ABCC4: variants seen among roughly 807,000 people sequenced by gnomAD.
The protein encoded by ABCC4 is ATP-binding cassette sub-family C member 4.
In ABCC4, 102 loss-of-function variants were observed where a neutral mutation model predicts 168.5. The observed-to-expected ratio is 0.61, with a 90% CI of 0.52 to 0.71. The LOEUF (loss-of-function observed/expected upper bound fraction) is 0.71. Ranked by LOEUF, ABCC4 falls within the 30% of genes least tolerant of loss-of-function variation. ABCC4 has a pLI of 0.00. For missense variants in ABCC4, 1,402 were observed against 1,605.8 expected, an observed-to-expected ratio of 0.87 and a Z score of 2.17; for synonymous variants, 617 against 590.7, an observed-to-expected ratio of 1.04 and a Z score of -0.65.
chr13:95,125,028 T>C (rs938990656), intron 19 of ABCC4, among the ~76,000 whole-genome samples: 4 of 152,052 alleles, frequency 2.6e-5, no homozygotes, highest in Admixed American at 2.0e-4. Context: ...AGCACTAAAT[T>C]AGTGCCAGAA....
At chr13:95,041,701 AC>A (rs1353347566) in intron 29 of ABCC4, among the ~76,000 whole-genome samples, 4 of 152,346 alleles carry the variant, frequency 2.6e-5, no homozygotes, top group South Asian at 4.1e-4. Flanking sequence ...AACAAAAAAA[AC>A]AAAACACCTC....
At chr13:95,075,771 A>G in intron 21 of ABCC4, 1 of 464,582 alleles carries the variant, frequency 2.2e-6, no homozygotes, top group Admixed American at 3.8e-5. Context: ...GGGGCCTGGA[A>G]ATAAACGTCC....
At chr13:95,255,597 G>A (rs559068400) in intron 1 of ABCC4, among the ~76,000 whole-genome samples, 1 of 152,294 alleles carries the variant, frequency 6.6e-6, no homozygotes, top group East Asian at 1.9e-4. Context: ...CTGTAAAGCT[G>A]TGATCTTCTG....
intron 19 of ABCC4, among the ~76,000 whole-genome samples, chr13:95,145,252 A>G (rs192114526): frequency 4.6e-5 from 7 of 152,316 alleles, no homozygotes; most frequent in African/African-American, 1.7e-4. Context: ...AGAACTTAAA[A>G]GAAAACTACC....
chr13:95,180,723 C>G (rs2037862795), intron 11 of ABCC4, among the ~76,000 whole-genome samples: 1 of 152,202 alleles, frequency 6.6e-6, no homozygotes, highest in African/African-American at 2.4e-5. Context: ...TGTTAAGTTT[C>G]TGTGCCTTGA....
chr13:95,271,259 G>A (rs61972758), intron 1 of ABCC4, among the ~76,000 whole-genome samples: 6,989 of 152,220 alleles, frequency 0.046, 237 homozygotes, highest in Non-Finnish European at 0.067. Flanking sequence ...GACAGCTGCC[G>A]ACGGATTACA....
At chr13:95,290,144 A>G (rs147524788) in intron 1 of ABCC4, among the ~76,000 whole-genome samples, 2,277 of 151,348 alleles carry the variant, frequency 0.015, 56 homozygotes, top group African/African-American at 0.05. Context: ...AGATAGATAG[A>G]TAGATGATAG....
chr13:95,196,660 GGAA>G (rs1566515804), intron 8 of ABCC4, among the ~76,000 whole-genome samples: 1 of 31,636 alleles, frequency 3.2e-5, no homozygotes, highest in African/African-American at 1.5e-4. Context: ...AAGGAAGGAA[GGAA>G]GGAAGGAAGG....
At position 95,177,991 on chromosome 13, in the gene ABCC4, A is replaced by G; in HGVS notation, c.1640+6T>C. On this transcript the variant is annotated splice_donor_region_variant and intron_variant, in intron 12 of 30. Transcript: ENST00000645237. ...CCGGCATAGTGGCTGCTGAAATGCAACTTACCTTGCAAGGTTTACCCGTGC... is the reference window on the plus strand; with the variant it reads ...CCGGCATAGTGGCTGCTGAAATGCAGCTTACCTTGCAAGGTTTACCCGTGC... The G allele has an allele frequency of 6.2e-7, 1 of 1,614,050 alleles. No individual in the cohort carries two copies. Among genetic ancestry groups the G allele is most frequent in the Non-Finnish European group, 8.5e-7 (1 of 1,179,902 alleles).
chr13:95,205,899 G>C (rs1232503294), intron 8 of ABCC4, among the ~76,000 whole-genome samples: 1 of 152,148 alleles, frequency 6.6e-6, no homozygotes, highest in African/African-American at 2.4e-5. Context: ...TGTTACAGTC[G>C]TACAAATGGA....
chr13:95,023,113 T>A (rs2031185842), intron 30 of ABCC4, among the ~76,000 whole-genome samples: 1 of 152,196 alleles, frequency 6.6e-6, no homozygotes, highest in Non-Finnish European at 1.5e-5. Flanking sequence ...GTAGTGAAAC[T>A]AAAAACAGCC....
intron 19 of ABCC4, among the ~76,000 whole-genome samples, chr13:95,127,283 ATTTAT>A (rs983484507): frequency 1.6e-4 from 24 of 151,942 alleles, no homozygotes; most frequent in Non-Finnish European, 3.1e-4. Flanking sequence ...AGGGATATAA[ATTTAT>A]TTTATTTTAT....
At chr13:95,071,290 C>T (rs1336321181) in intron 25 of ABCC4, among the ~76,000 whole-genome samples, 1 of 152,158 alleles carries the variant, frequency 6.6e-6, no homozygotes. Context: ...AAGGCTGGAA[C>T]AGAAGCTGCA....
intron 8 of ABCC4, among the ~76,000 whole-genome samples, chr13:95,202,499 G>A (rs184886256): frequency 3.9e-5 from 6 of 152,284 alleles, no homozygotes; most frequent in African/African-American, 1.4e-4. Context: ...AAGGCCCAGA[G>A]AGTTGGTGAG....
chr13:95,169,376 G>C (rs536473386), intron 14 of ABCC4, among the ~76,000 whole-genome samples: 1 of 152,132 alleles, frequency 6.6e-6, no homozygotes, highest in African/African-American at 2.4e-5. Context: ...TAAAATCACA[G>C]ATCAAACCAT....
At chr13:95,275,227 A>G (rs9524874) in intron 1 of ABCC4, among the ~76,000 whole-genome samples, 121,504 of 152,260 alleles carry the variant, frequency 0.8, 49,594 homozygotes, top group Non-Finnish European at 0.88. Context: ...GAGGAAGGGC[A>G]ATTTGGCCAT....
At chr13:95,191,111 T>G (rs2038238068) in intron 9 of ABCC4, among the ~76,000 whole-genome samples, 1 of 152,178 alleles carries the variant, frequency 6.6e-6, no homozygotes, top group South Asian at 2.1e-4. Flanking sequence ...CCACAGTTAC[T>G]CATCAACCCC....
rs2033163283 is a variant in ABCC4 at position 95,058,594 on chromosome 13, A to AAAAAAAAAAAAAAAAAAAAG, written c.3366+4109_3366+4110insCTTTTTTTTTTTTTTTTTTT. ...AAAAAAAAAAAAAAAAAAAAAAAAG[A>AAAAAAAAAAAAAAAAAAAAG]AAAGAAAAAGAAAAAGAAAAGAAAA... On this transcript the variant is annotated intron_variant, in intron 26 of 30. Coordinates refer to ENST00000645237, the MANE Select transcript of ABCC4 (RefSeq NM_005845.5). 1.5e-3 allele frequency among the ~76,000 whole-genome samples: 61 copies of AAAAAAAAAAAAAAAAAAAAG among 41,396 alleles called. 1 individual carries two copies. The highest frequency in any genetic ancestry group is 2.4e-3 in the East Asian group (3 of 1,256). 27.2% of individuals were successfully genotyped at this position (41,396 alleles called of 152,430 possible). A position where few individuals can be genotyped will look rare whatever the true frequency, so the allele number is the denominator to read the frequency against.
intron 1 of ABCC4, among the ~76,000 whole-genome samples, chr13:95,283,035 T>G (rs1012451035): frequency 4.0e-5 from 6 of 151,346 alleles, no homozygotes; most frequent in Admixed American, 6.6e-5. Flanking sequence ...GTCAACACAG[T>G]GAAACCCCAT....
Sources: allele counts gnomAD v4.1 joint callset (sites outside exome capture counted in the v4.1 genomes callset), GRCh38; gene constraint gnomAD v4.1.1; transcripts MANE v1.5; gene names NCBI Gene and HGNC (gene_info 2026-07-23, HGNC 2026-07-21).